Variants in SH3PXD2B observed in about 807,000 individuals in gnomAD.
SH3PXD2B encodes the protein SH3 and PX domain-containing protein 2B.
Under a neutral mutation model 73.1 loss-of-function variants are expected in SH3PXD2B, and 37 were observed. That is an observed-to-expected ratio of 0.51 (90% CI 0.39 to 0.67). The LOEUF is 0.67. SH3PXD2B is among the 30% of genes least tolerant of loss of function. The probability of loss-of-function intolerance (pLI) is 0.00; values close to 1 mark genes in which losing one functional copy is unlikely to be tolerated. For missense variants in SH3PXD2B, 1,053 were observed against 1,197.8 expected (o/e 0.88, Z 1.78); for synonymous variants, 457 against 480.5 (o/e 0.95, Z 0.64).
At chr5:172,384,026 T>C (rs1295238794) in intron 4 of SH3PXD2B, among the ~76,000 whole-genome samples, 1 of 152,118 alleles carries the variant, frequency 6.6e-6, no homozygotes, top group African/African-American at 2.4e-5. Flanking sequence ...TTTTATATTT[T>C]AGTAGAGATG....
chr5:172,329,052 T>C (rs1756500839), downstream of SH3PXD2B, among the ~76,000 whole-genome samples: 1 of 126,314 alleles, frequency 7.9e-6, no homozygotes, highest in African/African-American at 3.2e-5. Context: ...TGTATGTGTG[T>C]GTGTGTGTAT....
At chr5:172,333,246 ACTC>A (rs1756600286), downstream of SH3PXD2B, among the ~76,000 whole-genome samples, 3 of 151,986 alleles carry the variant, frequency 2.0e-5, no homozygotes, top group South Asian at 6.2e-4. Flanking sequence ...TCCATAGCAC[ACTC>A]TTGACCATCA....
chr5:172,368,743 TAA>T (rs1491456451), intron 6 of SH3PXD2B, among the ~76,000 whole-genome samples: 2 of 101,566 alleles, frequency 2.0e-5, no homozygotes, highest in African/African-American at 8.5e-5. Context: ...TTAATATATG[TAA>T]TATATATATA....
chr5:172,382,127 C>T lies in SH3PXD2B; in HGVS notation c.310G>A (p.Ala104Thr). 1.2e-6 allele frequency: 2 copies of T among 1,603,674 alleles called. No individual in the cohort carries two copies. The highest frequency in any genetic ancestry group is 2.2e-5 in the South Asian group (2 of 88,958). ...RLIPIDEYCK[A>T]LIQLPPYISQ... ...ATGTAGGGGGGCAGCTGGATGAGGG[C>T]CTGGAGAAGAGAGACGCAGGTGAGT... The change falls in exon 5 of 13, where the codon GCC becomes ACC. Residue 104 changes from alanine to threonine, a missense_variant and splice_region_variant. Transcript: ENST00000311601.
chr5:172,422,535 A>G lies in SH3PXD2B; in HGVS notation c.76-39T>C, dbSNP rs371137069. ...AGAGGAGATGGGTGTTAACACCAGAAGGTGGTCTCCCAATCTCTGGGACCC... is the reference window on the plus strand; with the variant it reads ...AGAGGAGATGGGTGTTAACACCAGAGGGTGGTCTCCCAATCTCTGGGACCC... On this transcript the variant is annotated intron_variant, in intron 1 of 12. Coordinates refer to ENST00000311601, the MANE Select transcript of SH3PXD2B (RefSeq NM_001017995.3). 7.0e-6 allele frequency: 11 copies of G among 1,579,536 alleles called. No homozygotes were observed. The South Asian group carries it at 1.3e-4, about 18-fold the overall frequency.
At chr5:172,397,366 CG>C (rs959581241) in intron 3 of SH3PXD2B, among the ~76,000 whole-genome samples, 8 of 152,158 alleles carry the variant, frequency 5.3e-5, no homozygotes, top group South Asian at 2.1e-4. Flanking sequence ...AATTTTGCCC[CG>C]GTCCTGTGAT....
At chr5:172,378,045 A>C (rs1186944212) in intron 5 of SH3PXD2B, among the ~76,000 whole-genome samples, 4 of 151,918 alleles carry the variant, frequency 2.6e-5, no homozygotes, top group Non-Finnish European at 5.9e-5. Flanking sequence ...TGCCTCTGCC[A>C]CCAAAGAGAG....
chr5:172,358,315 G>C (rs942541559), intron 8 of SH3PXD2B, among the ~76,000 whole-genome samples: 6 of 152,262 alleles, frequency 3.9e-5, no homozygotes, highest in Non-Finnish European at 8.8e-5. Context: ...GGAAACAACG[G>C]AAGTGTGTCT....
chr5:172,360,968 A>G (rs1332410424), intron 7 of SH3PXD2B, among the ~76,000 whole-genome samples: 1 of 152,236 alleles, frequency 6.6e-6, no homozygotes, highest in Non-Finnish European at 1.5e-5. Flanking sequence ...ATATATGAAC[A>G]TGGCTCACTC....
intron 8 of SH3PXD2B, among the ~76,000 whole-genome samples, chr5:172,358,432 T>C (rs768737478): frequency 6.6e-6 from 1 of 152,124 alleles, no homozygotes. Context: ...GCTGAAGCAG[T>C]TCCAGCACCT....
rs199704139 is a variant in SH3PXD2B, at chr5:172,339,490, G to T, written c.1615C>A (p.Arg539=). 6.2e-7 allele frequency: 1 copy of T among 1,613,852 alleles called. No individual in the cohort carries two copies. The highest frequency in any genetic ancestry group is 1.7e-5 in the Admixed American group (1 of 60,028). Residue 539 remains arginine (R), a synonymous_variant, in exon 13 of 13, where the codon CGG becomes AGG. Coordinates refer to ENST00000311601, the MANE Select transcript of SH3PXD2B (RefSeq NM_001017995.3). This position sits in a 1 kb window ranked among gnomAD's most constrained non-coding sequence, Gnocchi z 6.1. ...IIKSEGELLE[R]ERERQRTEQL... is the part of the protein sequence containing the mutation. Reference sequence around the variant, plus strand: ...TCCGTCCTCTGCCGCTCCCGCTCCCGCTCCAGCAGCTCCCCCTCCGACTTG... The same window carrying T: ...TCCGTCCTCTGCCGCTCCCGCTCCCTCTCCAGCAGCTCCCCCTCCGACTTG...
chr5:172,333,874 A>T lies in SH3PXD2B; in HGVS notation c.*4495T>A. 7.8e-7 allele frequency: 1 copy of T among 1,277,862 alleles called. No individual in the cohort carries two copies. The highest frequency in any genetic ancestry group is 1.0e-6 in the Non-Finnish European group (1 of 986,206). 79.2% of individuals were successfully genotyped at this position (1,277,862 alleles called of 1,614,324 possible). On this transcript the variant is annotated 3_prime_UTR_variant, in exon 13 of 13. Transcript: ENST00000311601. The stretch of plus-strand genomic sequence containing the variant: ...GTTTATCATCACCCCTCTAAGTGAA[A>T]GGGGCGCTAACAATAATTACACGGG...
At chr5:172,396,088 C>A (rs928293802) in intron 3 of SH3PXD2B, among the ~76,000 whole-genome samples, 14 of 151,572 alleles carry the variant, frequency 9.2e-5, no homozygotes, top group African/African-American at 2.4e-4. Context: ...CGTGGTGACT[C>A]ACGCCTGTAA....
intron 7 of SH3PXD2B, 102 bp downstream of exon 7, chr5:172,362,633 C>T: frequency 6.4e-7 from 1 of 1,554,836 alleles, no homozygotes. Context: ...TGGGAACTGG[C>T]CAGTCTGGAC....
At position 172,337,878 on chromosome 5, in the gene SH3PXD2B, G is replaced by GA. The variant is rs1312391228; in HGVS notation, c.*490_*491insT. On this transcript the variant is annotated 3_prime_UTR_variant, in exon 13 of 13. Coordinates refer to ENST00000311601, the MANE Select transcript of SH3PXD2B (RefSeq NM_001017995.3). ...TTTCTTCAGGATGAAGTTCCTTCTG[G>GA]TAGCAGGCAATTTAGGAGGAGTGAA... 3.5e-5 allele frequency: 35 copies of GA among 1,008,882 alleles called. 1 individual carries two copies. The South Asian group carries it at 9.6e-4, about 28-fold the overall frequency. 62.5% of individuals were successfully genotyped at this position (1,008,882 alleles called of 1,614,324 possible).
intron 2 of SH3PXD2B, among the ~76,000 whole-genome samples, chr5:172,411,429 A>C (rs182658912): frequency 6.8e-6 from 1 of 146,094 alleles, no homozygotes; most frequent in Non-Finnish European, 1.5e-5. Context: ...AGCATGGCCC[A>C]AGGAGCTGAA....
intron 7 of SH3PXD2B, among the ~76,000 whole-genome samples, chr5:172,359,616 T>C (rs1325787930): frequency 6.6e-6 from 1 of 152,124 alleles, no homozygotes; most frequent in Non-Finnish European, 1.5e-5. Flanking sequence ...GATGCAGATT[T>C]AGCATCTGCT....
chr5:172,420,995 G>GA (rs1758953445), intron 2 of SH3PXD2B, among the ~76,000 whole-genome samples: 1 of 152,108 alleles, frequency 6.6e-6, no homozygotes, highest in Non-Finnish European at 1.5e-5. Context: ...TTACATCCGC[G>GA]AAAAAACCTC....
chr5:172,364,020 C>A (rs970520479), intron 6 of SH3PXD2B, among the ~76,000 whole-genome samples: 4 of 152,050 alleles, frequency 2.6e-5, no homozygotes, highest in African/African-American at 9.7e-5. Flanking sequence ...TAGGAGGGAA[C>A]GAAGTAGAGA....
Sources: gnomAD v4.1 joint callset for allele counts (sites outside exome capture counted in the v4.1 genomes callset) on GRCh38, gnomAD v4.1.1 for gene constraint, Gnocchi (gnomAD v3.1) non-coding constraint, MANE v1.5 for transcripts, NCBI Gene and HGNC (gene_info 2026-07-23, HGNC 2026-07-21) for gene names.